Variants in PRKN observed in about 807,000 individuals in gnomAD.
The protein encoded by PRKN is E3 ubiquitin-protein ligase parkin.
PRKN carries 56 observed loss-of-function variants against 59.5 expected under a neutral mutation model. That is an observed-to-expected ratio of 0.94 (90% CI 0.76 to 1.18). The LOEUF (loss-of-function observed/expected upper bound fraction) is 1.18, where lower values mean the gene tolerates loss of function less well. Among genes scored for constraint, PRKN ranks in the 50% most tolerant of loss-of-function variants. PRKN has a pLI of 0.00. For missense variants in PRKN, 657 were observed against 596.4 expected, an observed-to-expected ratio of 1.10 and a Z score of -1.06; for synonymous variants, 250 against 222.1, an observed-to-expected ratio of 1.13 and a Z score of -1.12.
intron 5 of PRKN, among the ~76,000 whole-genome samples, chr6:161,987,318 T>A (rs1157388070): frequency 6.6e-6 from 1 of 152,170 alleles, no homozygotes; most frequent in Admixed American, 6.5e-5. Flanking sequence ...TGATAACCAA[T>A]GGAAGAATTA....
intron 5 of PRKN, among the ~76,000 whole-genome samples, chr6:161,979,118 C>T (rs73783700): frequency 0.012 from 1,855 of 151,872 alleles, 52 homozygotes; most frequent in African/African-American, 0.044. Context: ...CCTTAATTAG[C>T]GAAGAGAGCT....
intron 1 of PRKN, among the ~76,000 whole-genome samples, chr6:162,686,452 G>A (rs886120676): frequency 2.0e-5 from 3 of 152,126 alleles, no homozygotes; most frequent in African/African-American, 4.8e-5. Flanking sequence ...TGGGGTGGGG[G>A]TTTGTTTTGC....
intron 9 of PRKN, among the ~76,000 whole-genome samples, chr6:161,477,563 T>C (rs902671117): frequency 2.0e-5 from 3 of 151,178 alleles, no homozygotes; most frequent in African/African-American, 7.3e-5. Context: ...GGTTAATGAA[T>C]CAAGGTGATG....
rs114606977 is a variant in PRKN, at chr6:162,507,991, A to G, written c.8-64518T>C. ...TGATTAAGAAAGTATGAGACTTGCTATATTAGTCAATTTTCATGCTGCTGA... is the reference window on the plus strand; with the variant it reads ...TGATTAAGAAAGTATGAGACTTGCTGTATTAGTCAATTTTCATGCTGCTGA... On this transcript the variant is annotated intron_variant, in intron 1 of 11. Coordinates refer to ENST00000366898, the MANE Select transcript of PRKN (RefSeq NM_004562.3). Among the ~76,000 whole-genome samples, 817 of 152,316 alleles carry G rather than the reference A, an allele frequency of 5.4e-3. 7 individuals are homozygous for G. The highest frequency in any genetic ancestry group is 0.019 in the African/African-American group (784 of 41,570).
chr6:162,123,975 C>T (rs1348859730), intron 4 of PRKN, among the ~76,000 whole-genome samples: 1 of 152,128 alleles, frequency 6.6e-6, no homozygotes, highest in African/African-American at 2.4e-5. Flanking sequence ...GGCTTTTCTT[C>T]TTCCTGTTGA....
intron 1 of PRKN, among the ~76,000 whole-genome samples, chr6:162,463,006 T>C (rs887207241): frequency 3.3e-5 from 5 of 151,702 alleles, no homozygotes; most frequent in Admixed American, 6.6e-5. Context: ...AGGCGGGAGG[T>C]TGCAGTGAGC....
chr6:161,599,585 T>C (rs1782035282), intron 7 of PRKN, among the ~76,000 whole-genome samples: 1 of 152,196 alleles, frequency 6.6e-6, no homozygotes, highest in African/African-American at 2.4e-5. Flanking sequence ...ATCTTGGACA[T>C]GTCATTTGAA....
intron 2 of PRKN, among the ~76,000 whole-genome samples, chr6:162,442,854 C>T (rs902551251): frequency 1.3e-5 from 2 of 152,144 alleles, no homozygotes; most frequent in South Asian, 2.1e-4. Flanking sequence ...CCTCCTCTAG[C>T]GCAGCATAGC....
At chr6:162,316,017 A>T (rs1782739094) in intron 2 of PRKN, among the ~76,000 whole-genome samples, 1 of 152,122 alleles carries the variant, frequency 6.6e-6, no homozygotes, top group Non-Finnish European at 1.5e-5. Context: ...ACCAGACAGC[A>T]GACAATGGGC....
chr6:162,168,839 C>T (rs1177973074), intron 4 of PRKN, among the ~76,000 whole-genome samples: 1 of 152,026 alleles, frequency 6.6e-6, no homozygotes, highest in Non-Finnish European at 1.5e-5. Context: ...TGAACCATTC[C>T]ATATAGGAGG....
At chr6:161,692,896 A>G (rs1785856380) in intron 7 of PRKN, among the ~76,000 whole-genome samples, 1 of 151,378 alleles carries the variant, frequency 6.6e-6, no homozygotes, top group Admixed American at 6.6e-5. Context: ...TGCAGTGAGC[A>G]GAGATCATAC....
intron 2 of PRKN, among the ~76,000 whole-genome samples, chr6:162,310,602 G>C (rs1024678085): frequency 6.6e-6 from 1 of 152,028 alleles, no homozygotes; most frequent in Non-Finnish European, 1.5e-5. Context: ...TTGTGGGGTG[G>C]GGGGAGCGGG....
intron 1 of PRKN, among the ~76,000 whole-genome samples, chr6:162,652,074 C>G (rs1296654699): frequency 2.0e-5 from 3 of 152,182 alleles, no homozygotes; most frequent in Non-Finnish European, 4.4e-5. Flanking sequence ...GAATGCTCAG[C>G]AGCTTACCAG....
intron 1 of PRKN, among the ~76,000 whole-genome samples, chr6:162,724,940 G>A (rs985648718): frequency 2.0e-5 from 3 of 152,204 alleles, no homozygotes; most frequent in South Asian, 2.1e-4. Flanking sequence ...CCTAGAAAAC[G>A]AACATCTGGG....
rs1015355469 is a variant in PRKN, at chr6:162,085,276, A to C, written c.535-31102T>G. Among the ~76,000 whole-genome samples, 24 of 151,678 alleles carry C rather than the reference A, an allele frequency of 1.6e-4. 1 individual carries two copies. The highest frequency in any genetic ancestry group is 5.8e-4 in the African/African-American group (24 of 41,168). On this transcript the variant is annotated intron_variant, in intron 4 of 11. Transcript: ENST00000366898. ...GGAATTACCCCTACCCCTAAAAACAACTGAGTTGAAATTAAAAGTATGATT... is the reference window on the plus strand; with the variant it reads ...GGAATTACCCCTACCCCTAAAAACACCTGAGTTGAAATTAAAAGTATGATT...
intron 6 of PRKN, among the ~76,000 whole-genome samples, chr6:161,799,963 A>G (rs1203038894): frequency 6.6e-6 from 1 of 152,170 alleles, no homozygotes; most frequent in Non-Finnish European, 1.5e-5. Context: ...CCAAGGAGGC[A>G]GTGGAGCAAG....
At chr6:162,383,228 C>A (rs1167423061) in intron 2 of PRKN, among the ~76,000 whole-genome samples, 3 of 152,138 alleles carry the variant, frequency 2.0e-5, no homozygotes, top group Non-Finnish European at 4.4e-5. Flanking sequence ...TTCCCAGTTC[C>A]ATTAGAGGCA....
rs145657760 is a variant in PRKN, at chr6:161,410,593, C to G, written c.1084-23716G>C. ...ACACACAGCAGCGAGAGGGGAAGGG[C>G]GAGCTATTTCCTCCATTCTGGTGCT... On this transcript the variant is annotated intron_variant, in intron 9 of 11. Transcript: ENST00000366898. The surrounding 1 kb of genome is among the most constrained non-coding windows in gnomAD (Gnocchi z 5.3). 3.3e-5 allele frequency among the ~76,000 whole-genome samples: 5 copies of G among 152,054 alleles called. No individual in the cohort carries two copies. Among genetic ancestry groups the G allele is most frequent in the African/African-American group, 1.2e-4 (5 of 41,364 alleles).
rs1361433961 is a variant in PRKN at position 161,363,070 on chromosome 6, C to T, written c.1168-2865G>A. ...CAGCCTGGCCAACATGGTGAAACCT[C>T]GTCTCTGCTAAAAACACAACGATTA... On this transcript the variant is annotated intron_variant, in intron 10 of 11. Coordinates refer to ENST00000366898, the MANE Select transcript of PRKN (RefSeq NM_004562.3). The surrounding 1 kb of genome is among the most constrained non-coding windows in gnomAD (Gnocchi z 4.1). Among the ~76,000 whole-genome samples the T allele has an allele frequency of 1.3e-5, 2 of 151,988 alleles. No individual in the cohort carries two copies. Among genetic ancestry groups the T allele is most frequent in the African/African-American group, 2.4e-5 (1 of 41,360 alleles).
Sources: gnomAD v4.1 joint callset for allele counts (sites outside exome capture counted in the v4.1 genomes callset) on GRCh38, gnomAD v4.1.1 for gene constraint, Gnocchi (gnomAD v3.1) non-coding constraint, MANE v1.5 for transcripts, NCBI Gene and HGNC (gene_info 2026-07-23, HGNC 2026-07-21) for gene names.